Variants in USPL1 observed in about 807,000 individuals in gnomAD.
USPL1 encodes ubiquitin specific peptidase like 1.
USPL1 carries 27 observed loss-of-function variants against 51.5 expected under a neutral mutation model. The observed-to-expected ratio is 0.52, with a 90% confidence interval of 0.39 to 0.72. USPL1 has a LOEUF of 0.72. USPL1 is among the 30% of genes least tolerant of loss of function. USPL1 has a pLI of 0.00. For synonymous variants in USPL1, 451 were observed against 459.6 expected, an observed-to-expected ratio of 0.98 and a Z score of 0.24; for missense variants, 1,226 against 1,268.0, an observed-to-expected ratio of 0.97 and a Z score of 0.50.
chr13:30,632,406 A>ATTTTTTTTTTTTTTTTTT (rs60539080), intron 4 of USPL1, among the ~76,000 whole-genome samples: 1 of 83,688 alleles, frequency 1.2e-5, no homozygotes, highest in Admixed American at 1.5e-4. Flanking sequence ...TGCTATTGTG[A>ATTTTTTTTTTTTTTTTTT]TTTTTTTTTT....
chr13:30,638,314 G>A (rs1167572234), intron 5 of USPL1, among the ~76,000 whole-genome samples: 1 of 152,190 alleles, frequency 6.6e-6, no homozygotes, highest in Non-Finnish European at 1.5e-5. Flanking sequence ...CCAGGGTTTA[G>A]AATCTCATCT....
intron 6 of USPL1, 121 bp from the exon 7 acceptor site, chr13:30,646,811 A>G (rs563099048): frequency 1.2e-5 from 13 of 1,102,420 alleles, no homozygotes; most frequent in Non-Finnish European, 1.5e-5. Context: ...CCATATTAAC[A>G]TGATTTGGGG....
chr13:30,646,358 T>G (rs890153700), intron 6 of USPL1, among the ~76,000 whole-genome samples: 113 of 152,212 alleles, frequency 7.4e-4, no homozygotes, highest in Non-Finnish European at 1.0e-3. Flanking sequence ...TGTGTGTGTT[T>G]TTTTTTTAAG....
At position 30,658,865 on chromosome 13, in the gene USPL1, A is replaced by G. The variant is rs777995620; in HGVS notation, c.2788A>G (p.Asn930Asp). The stretch of plus-strand genomic sequence containing the variant: ...ACAGGTGCCCCAGGATGGGTCTCCA[A>G]ATGATTGTGAATCAATAGAGGACTT... ...LEQVPQDGSPNDCESIEDLLN... is the reference protein window; with the variant it reads ...LEQVPQDGSPDDCESIEDLLN... Residue 930 changes from asparagine (N) to aspartate (D), a missense_variant, in exon 9 of 9, where the codon AAT (asparagine) becomes GAT (aspartate). Asn to Asp is a conservative substitution (Grantham distance 23). Transcript: ENST00000255304. 18 of 1,613,960 alleles carry G rather than the reference A, an allele frequency of 1.1e-5. No individual in the cohort carries two copies. Among genetic ancestry groups the G allele is most frequent in the Non-Finnish European group, 1.5e-5 (18 of 1,180,044 alleles).
In USPL1 at chr13:30,658,541, C is replaced by T; in HGVS notation, c.2464C>T (p.Pro822Ser). The T allele has an allele frequency of 6.2e-7, 1 of 1,614,070 alleles. No individual in the cohort carries two copies. Among genetic ancestry groups the T allele is most frequent in the Non-Finnish European group, 8.5e-7 (1 of 1,179,976 alleles). The change falls in exon 9 of 9, where the codon CCT becomes TCT. Residue 822 changes from proline to serine, a missense_variant. Transcript: ENST00000255304. ...GAAAGCTCGTAAGAGTGCAAGTAAG[C>T]CTCCTCCCATCAGTAAGCCACCAGC... Reference protein sequence around the residue: ...SKKARKSASKPPPISKPPAGP... With the variant: ...SKKARKSASKSPPISKPPAGP...
intron 6 of USPL1, among the ~76,000 whole-genome samples, chr13:30,645,556 A>G (rs1374345763): frequency 2.0e-5 from 3 of 152,236 alleles, no homozygotes; most frequent in Non-Finnish European, 4.4e-5. Context: ...GTAGTTATAG[A>G]GGGAAAGCTA....
intron 7 of USPL1, 133 bp downstream of exon 7, chr13:30,647,190 C>A: frequency 9.5e-7 from 1 of 1,054,010 alleles, no homozygotes; most frequent in African/African-American, 1.6e-5. Context: ...TTCTGGGTTG[C>A]CAGCTGCCTC....
intron 6 of USPL1, among the ~76,000 whole-genome samples, chr13:30,645,807 C>T (rs1374402024): frequency 3.9e-5 from 6 of 152,166 alleles, no homozygotes; most frequent in Non-Finnish European, 8.8e-5. Context: ...TCACTTTCCC[C>T]ATCTGTAAAA....
intron 5 of USPL1, among the ~76,000 whole-genome samples, 155 bp downstream of exon 5, chr13:30,638,012 A>AG (rs1950898359): frequency 6.6e-6 from 1 of 152,156 alleles, no homozygotes; most frequent in Admixed American, 6.5e-5. Context: ...ACCACTGGGT[A>AG]AGTTATTGTA....
chr13:30,618,574 G>A (rs1478887468), intron 1 of USPL1, among the ~76,000 whole-genome samples: 1 of 152,132 alleles, frequency 6.6e-6, no homozygotes, highest in Admixed American at 6.5e-5. Context: ...TCTCCATTTT[G>A]CACACAGGAG....
At position 30,658,091 on chromosome 13, in the gene USPL1, G is replaced by A. The variant is rs1951191453; in HGVS notation, c.2014G>A (p.Asp672Asn). Residue 672 changes from aspartate to asparagine, a missense_variant, in exon 9 of 9, where the codon GAT (aspartate) becomes AAT (asparagine). Transcript: ENST00000255304. ...GCAGTCAGTACAGCTGAATACAGAA[G>A]ATACTGTAAATACTAAATCTGTGAA... The part of the protein sequence containing the change: ...NMQSVQLNTE[D>N]TVNTKSVNNT... 1 of 1,613,412 alleles carries A rather than the reference G, an allele frequency of 6.2e-7. No individual in the cohort carries two copies. The highest frequency in any genetic ancestry group is 8.5e-7 in the Non-Finnish European group (1 of 1,179,990).
chr13:30,642,554 C>G, intron 5 of USPL1, 74 bp from the exon 6 acceptor site: 1 of 1,543,826 alleles, frequency 6.5e-7, no homozygotes, highest in Non-Finnish European at 8.8e-7. Context: ...TAAGAAAAGA[C>G]AATAGTTCAC....
At position 30,657,927 on chromosome 13, in the gene USPL1, C is replaced by T. The variant is rs957228470; in HGVS notation, c.1850C>T (p.Thr617Ile). The T allele has an allele frequency of 3.1e-6, 5 of 1,613,776 alleles. No individual in the cohort carries two copies. Among genetic ancestry groups the T allele is most frequent in the Non-Finnish European group, 4.2e-6 (5 of 1,180,018 alleles). Residue 617 changes from threonine (T) to isoleucine (I), a missense_variant, in exon 9 of 9, where the codon ACA (threonine) becomes ATA (isoleucine). Transcript: ENST00000255304. ...LLENKPVAEN[T>I]GILKTNTLLS... ...GAAAATAAACCTGTAGCAGAAAATA[C>T]AGGAATTCTCAAAACCAATACTTTG...
intron 6 of USPL1, among the ~76,000 whole-genome samples, chr13:30,643,613 CTTT>C (rs1173017334): frequency 8.6e-6 from 1 of 115,652 alleles, no homozygotes; most frequent in Non-Finnish European, 1.7e-5. Context: ...CCCCCCCGCC[CTTT>C]TTTTTTTTTT....
At chr13:30,653,427 C>A in intron 8 of USPL1, 122 bp downstream of exon 8, 2 of 1,012,418 alleles carry the variant, frequency 2.0e-6, no homozygotes, top group Non-Finnish European at 1.4e-6. Flanking sequence ...TTTCTCTCTC[C>A]ATTCTCGCCT....
At position 30,640,827 on chromosome 13, in the gene USPL1, C is replaced by T. The variant is rs147218350; in HGVS notation, c.983-1801C>T. Among the ~76,000 whole-genome samples the T allele has an allele frequency of 3.4e-3, 524 of 152,268 alleles. 1 individual carries two copies. The highest frequency in any genetic ancestry group is 0.011 in the African/African-American group (465 of 41,542). On this transcript the variant is annotated intron_variant, in intron 5 of 8. Transcript: ENST00000255304. ...ATGCTTAGGGTTAGGGTATAACTCG[C>T]TTGTATTATACTCATCTACCATGTA...
Position 30,642,765 on chromosome 13 carries a change from T to C in USPL1, c.1112+8T>C. The C allele has an allele frequency of 6.2e-7, 1 of 1,604,782 alleles. No homozygotes were observed. Among genetic ancestry groups the C allele is most frequent in the African/African-American group, 1.3e-5 (1 of 74,168 alleles). On this transcript the variant is annotated splice_region_variant and intron_variant, in intron 6 of 8. Coordinates refer to ENST00000255304, the MANE Select transcript of USPL1 (RefSeq NM_005800.5). ...ACACCAATATCAAAACAGGTTAGTT[T>C]CTTTTGTTTTTTAAAATGGGTTCTT...
At chr13:30,624,850 G>A (rs1950690826) in intron 3 of USPL1, among the ~76,000 whole-genome samples, 1 of 152,208 alleles carries the variant, frequency 6.6e-6, no homozygotes, top group African/African-American at 2.4e-5. Context: ...TCTGTGGACG[G>A]GTGTCATCCT....
In USPL1 at chr13:30,659,576, T is replaced by G; in HGVS notation, c.*220T>G. The G allele has an allele frequency of 2.2e-6, 1 of 445,700 alleles. No homozygotes were observed. The highest frequency in any genetic ancestry group is 3.9e-6 in the Non-Finnish European group (1 of 258,250). The allele number at this position is 445,700 out of a possible 1,614,324, so 27.6% of individuals were successfully genotyped here. On this transcript the variant is annotated 3_prime_UTR_variant, in exon 9 of 9. Coordinates refer to ENST00000255304, the MANE Select transcript of USPL1 (RefSeq NM_005800.5). ...CTCCTTTTTGGTTTCATTTTGTTCT[T>G]GTGAGAGTATGAGGATTTCAAAATG...
Sources: gnomAD v4.1 joint callset for allele counts (sites outside exome capture counted in the v4.1 genomes callset) on GRCh38, gnomAD v4.1.1 for gene constraint, MANE v1.5 for transcripts, NCBI Gene and HGNC (gene_info 2026-07-23, HGNC 2026-07-21) for gene names.